Variants in SOBP observed in about 807,000 individuals in gnomAD.
SOBP encodes the protein sine oculis-binding protein homolog.
Under a neutral mutation model 53.6 loss-of-function variants are expected in SOBP, and 4 were observed. That is an observed-to-expected ratio of 0.07 (90% confidence interval 0.04 to 0.17). The LOEUF is 0.17. Ranked by LOEUF, SOBP falls within the 10% of genes least tolerant of loss-of-function variation. The pLI is 1.00. For synonymous variants in SOBP, 584 were observed against 522.6 expected (o/e 1.12, Z -1.60); for missense variants, 1,088 against 1,204.7 (o/e 0.90, Z 1.43).
intron 3 of SOBP, among the ~76,000 whole-genome samples, chr6:107,507,123 A>C (rs992114185): frequency 6.6e-6 from 1 of 151,920 alleles, no homozygotes; most frequent in Non-Finnish European, 1.5e-5. Context: ...GGAGGGCCAC[A>C]TCTCCTCTGG....
intron 4 of SOBP, among the ~76,000 whole-genome samples, chr6:107,535,163 A>G (rs1562596147): frequency 6.6e-6 from 1 of 152,164 alleles, no homozygotes; most frequent in Non-Finnish European, 1.5e-5. Flanking sequence ...AATCCTGGTG[A>G]TACATGTTAT....
At chr6:107,597,791 C>A (rs1430901819) in intron 5 of SOBP, among the ~76,000 whole-genome samples, 1 of 152,148 alleles carries the variant, frequency 6.6e-6, no homozygotes, top group Admixed American at 6.5e-5. Flanking sequence ...ATAATTCAAA[C>A]CAAAAAGACC....
intron 4 of SOBP, among the ~76,000 whole-genome samples, chr6:107,584,253 T>TAAA (rs35618286): frequency 7.7e-5 from 9 of 117,560 alleles, no homozygotes; most frequent in African/African-American, 1.9e-4. Flanking sequence ...ACCAATATGT[T>TAAA]AAAAAAAAAA....
intron 6 of SOBP, among the ~76,000 whole-genome samples, chr6:107,654,324 G>A (rs911805525): frequency 1.3e-5 from 2 of 152,142 alleles, no homozygotes; most frequent in African/African-American, 4.8e-5. Context: ...AGCAGGGGTG[G>A]GTTATCCTGC....
At chr6:107,569,417 G>C (rs542662974) in intron 4 of SOBP, among the ~76,000 whole-genome samples, 2 of 152,348 alleles carry the variant, frequency 1.3e-5, no homozygotes, top group East Asian at 3.9e-4. Context: ...CATGTGGAAG[G>C]GAAGCCCATT....
intron 5 of SOBP, among the ~76,000 whole-genome samples, chr6:107,620,216 A>G (rs911196039): frequency 5.3e-5 from 8 of 152,250 alleles, no homozygotes; most frequent in Non-Finnish European, 1.0e-4. Context: ...GAGGCCGTTA[A>G]AGATTTGCAG....
At chr6:107,492,479 C>T (rs973447766) in intron 1 of SOBP, among the ~76,000 whole-genome samples, 8 of 152,154 alleles carry the variant, frequency 5.3e-5, no homozygotes, top group African/African-American at 1.9e-4. Flanking sequence ...GAAATGTTAT[C>T]CCGGCTGGAT....
chr6:107,504,309 A>T (rs1412339017), intron 2 of SOBP, among the ~76,000 whole-genome samples: 1 of 152,102 alleles, frequency 6.6e-6, no homozygotes, highest in Non-Finnish European at 1.5e-5. Context: ...CACGCACTTG[A>T]ATAGGGTAAA....
At chr6:107,506,587 G>A (rs558955218) in intron 3 of SOBP, among the ~76,000 whole-genome samples, 160 bp downstream of exon 3, 1 of 152,216 alleles carries the variant, frequency 6.6e-6, no homozygotes. Flanking sequence ...GAGTATTACT[G>A]TTACATTAGG....
rs1772180417 is a variant in SOBP, at chr6:107,658,835, A to G, written c.*632A>G. The G allele has an allele frequency of 6.6e-6, 1 of 152,592 alleles. No homozygotes were observed. Among genetic ancestry groups the G allele is most frequent in the African/African-American group, 2.4e-5 (1 of 41,442 alleles). 9.5% of individuals were successfully genotyped at this position (152,592 alleles called of 1,614,324 possible). On this transcript the variant is annotated 3_prime_UTR_variant, in exon 7 of 7. Transcript: ENST00000317357. ...TTTTCTTGTTATTTTTACAAAGGCC[A>G]CCTTTATCCTTTTTGATGCCATATT...
intron 5 of SOBP, among the ~76,000 whole-genome samples, chr6:107,597,898 CTA>C: frequency 6.6e-6 from 1 of 152,208 alleles, no homozygotes; most frequent in South Asian, 2.1e-4. Flanking sequence ...AAGACAATGT[CTA>C]TAGAGATTTA....
rs756177872 is a variant in SOBP at position 107,633,678 on chromosome 6, A to G, written c.834A>G (p.Thr278=). The G allele has an allele frequency of 4.3e-6, 7 of 1,614,244 alleles. No homozygotes were observed. The highest frequency in any genetic ancestry group is 5.9e-6 in the Non-Finnish European group (7 of 1,180,042). Residue 278 remains threonine (T), a synonymous_variant, in exon 6 of 7, where the codon ACA becomes ACG. Transcript: ENST00000317357. ...ATCTTCCAGCTGGGCTGTGCAGCAC[A>G]TTACACCCTCCCATGGAAAATAAAG... The part of the protein sequence containing the change: ...QANLPAGLCS[T]LHPPMENKAE...
chr6:107,540,986 A>G (rs1053289576), intron 4 of SOBP, among the ~76,000 whole-genome samples: 1 of 152,236 alleles, frequency 6.6e-6, no homozygotes, highest in Non-Finnish European at 1.5e-5. Context: ...CTCAAGAATT[A>G]TATTTGTTCT....
At chr6:107,595,778 G>A (rs1785926068) in intron 5 of SOBP, among the ~76,000 whole-genome samples, 1 of 152,162 alleles carries the variant, frequency 6.6e-6, no homozygotes, top group African/African-American at 2.4e-5. Context: ...TTGAAGTGGA[G>A]AAGAATGACA....
At chr6:107,599,324 G>T (rs2243869) in intron 5 of SOBP, among the ~76,000 whole-genome samples, 63,961 of 151,970 alleles carry the variant, frequency 0.42, 15,441 homozygotes, top group East Asian at 0.71. Context: ...AATCCTTTTG[G>T]ACTCAACTTT....
At chr6:107,652,876 A>G (rs145455560) in intron 6 of SOBP, among the ~76,000 whole-genome samples, 1 of 152,124 alleles carries the variant, frequency 6.6e-6, no homozygotes, top group East Asian at 1.9e-4. Context: ...TTTACAAATA[A>G]AGTATTTTAA....
At chr6:107,523,673 G>A (rs1240391869) in intron 3 of SOBP, among the ~76,000 whole-genome samples, 2 of 152,220 alleles carry the variant, frequency 1.3e-5, no homozygotes, top group South Asian at 2.1e-4. Context: ...GAGCAGCGAG[G>A]AGGGACTTGG....
intron 5 of SOBP, among the ~76,000 whole-genome samples, chr6:107,606,463 G>A (rs1328369690): frequency 2.0e-5 from 3 of 152,144 alleles, no homozygotes; most frequent in Admixed American, 6.5e-5. Flanking sequence ...CAGTGGGGGT[G>A]CAGCAGGGAT....
intron 6 of SOBP, among the ~76,000 whole-genome samples, chr6:107,644,750 A>C (rs1771483617): frequency 6.6e-6 from 1 of 152,242 alleles, no homozygotes; most frequent in Admixed American, 6.5e-5. Context: ...TAAATGAGTC[A>C]GAAACACATA....
Sources: allele counts gnomAD v4.1 joint callset (sites outside exome capture counted in the v4.1 genomes callset), GRCh38; gene constraint gnomAD v4.1.1; transcripts MANE v1.5; gene names NCBI Gene and HGNC (gene_info 2026-07-23, HGNC 2026-07-21).